Variants in COPE observed in about 807,000 individuals in gnomAD.
The protein encoded by COPE is coat protein complex I subunit epsilon.
COPE carries 19 observed loss-of-function variants against 42.1 expected under a neutral mutation model. That is an observed-to-expected ratio of 0.45 (90% CI 0.31 to 0.66). The LOEUF (loss-of-function observed/expected upper bound fraction) is 0.66. Ranked by LOEUF, COPE falls within the 30% of genes least tolerant of loss-of-function variation. COPE has a pLI of 0.05. For missense variants in COPE, 402 were observed against 416.1 expected, an observed-to-expected ratio of 0.97 and a Z score of 0.30; for synonymous variants, 195 against 181.3, an observed-to-expected ratio of 1.08 and a Z score of -0.60.
intron 7 of COPE, among the ~76,000 whole-genome samples, chr19:18,901,548 C>T (rs1035455197): frequency 1.3e-5 from 2 of 152,226 alleles, no homozygotes; most frequent in Admixed American, 6.5e-5. Context: ...TGGCCAGCCC[C>T]GCTCTGCAAA....
chr19:18,905,766 G>C lies in COPE; in HGVS notation c.444-137C>G, dbSNP rs565710428. 3.0e-5 allele frequency: 24 copies of C among 793,838 alleles called. No individual in the cohort carries two copies. The Middle Eastern group carries it at 1.1e-3, about 37-fold the overall frequency. 49.2% of individuals were successfully genotyped at this position (793,838 alleles called of 1,614,324 possible). On this transcript the variant is annotated intron_variant, in intron 4 of 9. Coordinates refer to ENST00000262812, the MANE Select transcript of COPE (RefSeq NM_007263.4). Reference sequence around the variant, plus strand: ...AGGACCACCAGCCCCGCCCAGCAGAGGAGGACACCCTCACTCCCACATTTC... The same window carrying C: ...AGGACCACCAGCCCCGCCCAGCAGACGAGGACACCCTCACTCCCACATTTC...
chr19:18,912,871 G>A (rs774736645), intron 2 of COPE, 113 bp downstream of exon 2: 14 of 986,492 alleles, frequency 1.4e-5, no homozygotes, highest in African/African-American at 7.9e-5. Flanking sequence ...CTGCAGGCCT[G>A]GGTCCCTGCT....
chr19:18,906,857 C>T (rs889866671), intron 4 of COPE, 103 bp downstream of exon 4: 49 of 1,349,054 alleles, frequency 3.6e-5, no homozygotes, highest in Non-Finnish European at 4.6e-5. Context: ...CACCACCTTT[C>T]TCTGCTCCCA....
chr19:18,904,815 C>A lies in COPE; in HGVS notation c.535G>T (p.Ala179Ser), dbSNP rs1039069805. 9 of 1,555,516 alleles carry A rather than the reference C, an allele frequency of 5.8e-6. No individual in the cohort carries two copies. The African/African-American group carries it at 1.1e-4, about 19-fold the overall frequency. ...GCAGTGGCGAGCTGGGTGAGGGTGG[C>A]ATCCTCGTCCAGGTCCTGCATTCTC... The part of the protein sequence containing the change: ...LKRMQDLDED[A>S]TLTQLATAWV... The change falls in exon 6 of 10, where the codon GCC (alanine) becomes TCC (serine). Residue 179 changes from alanine (A) to serine (S), a missense_variant. Coordinates refer to ENST00000262812, the MANE Select transcript of COPE (RefSeq NM_007263.4).
chr19:18,908,185 G>A (rs1007774899), intron 3 of COPE, among the ~76,000 whole-genome samples: 4 of 152,104 alleles, frequency 2.6e-5, no homozygotes, highest in South Asian at 2.1e-4. Context: ...TAACCCCAGC[G>A]CTTTGGGAGG....
intron 8 of COPE, 177 bp from the exon 9 acceptor site, chr19:18,900,124 GC>G (rs11289153): frequency 0.15 from 96,468 of 625,336 alleles, 10,808 homozygotes; most frequent in African/African-American, 0.46. Context: ...GGATGGGCCT[GC>G]CCCCTGGAGA....
Position 18,911,061 on chromosome 19 carries a change from C to A in COPE, c.200G>T (p.Gly67Val), listed in dbSNP as rs372937699. The A allele has an allele frequency of 1.9e-6, 3 of 1,613,988 alleles. No homozygotes were observed. The highest frequency in any genetic ancestry group is 2.5e-6 in the Non-Finnish European group (3 of 1,179,994). ...GGGCTTGATCTCATCCAGGACCACA[C>A]CGAACTTCCTCTGCAGTAGGGACGA... The part of the protein sequence containing the change: ...YRAYLAQRKF[G>V]VVLDEIKPSS... The change falls in exon 3 of 10, where the codon GGT becomes GTT. Residue 67 changes from glycine to valine, a missense_variant. By Grantham distance (109) the Gly-to-Val change is moderately radical (BLOSUM62 -3). Transcript: ENST00000262812.
intron 1 of COPE, among the ~76,000 whole-genome samples, chr19:18,915,805 C>A (rs2056849312): frequency 6.6e-6 from 1 of 152,224 alleles, no homozygotes; most frequent in Non-Finnish European, 1.5e-5. Context: ...AACTCAAGGC[C>A]TATGAGCTGC....
chr19:18,911,152 G>A, intron 2 of COPE, 81 bp from the exon 3 acceptor site: 1 of 1,301,324 alleles, frequency 7.7e-7, no homozygotes, highest in Non-Finnish European at 1.1e-6. Flanking sequence ...GAGAGCCCCA[G>A]ACAGGAAGTC....
chr19:18,900,171 G>A (rs2056683812), intron 8 of COPE, among the ~76,000 whole-genome samples: 2 of 151,588 alleles, frequency 1.3e-5, no homozygotes, highest in Non-Finnish European at 2.9e-5. Context: ...TACATGGTGG[G>A]GGATGTATTG....
chr19:18,904,960 C>T, intron 5 of COPE, 108 bp from the exon 6 acceptor site: 2 of 1,090,418 alleles, frequency 1.8e-6, no homozygotes, highest in Non-Finnish European at 2.7e-6. Flanking sequence ...ATGGCCCCTG[C>T]TTTGTGCTCC....
chr19:18,905,976 G>C, intron 4 of COPE: 1 of 453,596 alleles, frequency 2.2e-6, no homozygotes, highest in Non-Finnish European at 3.9e-6. Context: ...CTAGAGGAGG[G>C]CCACGCACCC....
chr19:18,913,072 C>T (rs111654958), intron 1 of COPE, 26 bp from the exon 2 acceptor site: 74,321 of 1,602,118 alleles, frequency 0.046, 1,964 homozygotes, highest in Non-Finnish European at 0.055. Flanking sequence ...TGAGTCAGGA[C>T]GCACAGTGGG....
intron 4 of COPE, 173 bp from the exon 5 acceptor site, chr19:18,905,802 T>G: frequency 1.6e-6 from 1 of 619,274 alleles, no homozygotes; most frequent in Non-Finnish European, 2.7e-6. Flanking sequence ...ACCGCTCAGC[T>G]TCCTCAGGCC....
intron 3 of COPE, among the ~76,000 whole-genome samples, chr19:18,908,948 A>G (rs1047515455): frequency 6.6e-6 from 1 of 152,136 alleles, no homozygotes; most frequent in African/African-American, 2.4e-5. Context: ...CAGTAAGCCA[A>G]GATTGTGCCA....
At chr19:18,914,755 CTTTTT>C (rs749395912) in intron 1 of COPE, among the ~76,000 whole-genome samples, 4 of 121,862 alleles carry the variant, frequency 3.3e-5, no homozygotes, top group Admixed American at 9.0e-5. Flanking sequence ...AAAGCATAGT[CTTTTT>C]TTTTTTTTTT....
intron 7 of COPE, 68 bp downstream of exon 7, chr19:18,903,200 G>C (rs577465489): frequency 6.8e-7 from 1 of 1,462,700 alleles, no homozygotes; most frequent in South Asian, 1.4e-5. Context: ...GTTTCTGTCC[G>C]CCCTGACCCC....
chr19:18,906,727 C>T, intron 4 of COPE: 2 of 490,488 alleles, frequency 4.1e-6, no homozygotes, highest in South Asian at 3.2e-5. Flanking sequence ...CCCTTGGGAA[C>T]AGAGGGTTGC....
intron 6 of COPE, among the ~76,000 whole-genome samples, chr19:18,904,412 C>A (rs916356233): frequency 6.6e-6 from 1 of 152,210 alleles, no homozygotes; most frequent in Non-Finnish European, 1.5e-5. Context: ...ACACTGAACT[C>A]CGTCCCTGGC....
Sources: gnomAD v4.1 joint callset for allele counts (sites outside exome capture counted in the v4.1 genomes callset) on GRCh38, gnomAD v4.1.1 for gene constraint, MANE v1.5 for transcripts, NCBI Gene and HGNC (gene_info 2026-07-23, HGNC 2026-07-21) for gene names.